The following DIAPH2 variants were observed in gnomAD, a reference collection of about 807,000 sequenced individuals.
The protein encoded by DIAPH2 is diaphanous related formin 2, also known as protein diaphanous homolog 2.
DIAPH2 carries 35 observed loss-of-function variants against 92.7 expected under a neutral mutation model. The observed-to-expected ratio is 0.38, with a 90% confidence interval of 0.29 to 0.50. The LOEUF (loss-of-function observed/expected upper bound fraction) is 0.50, where lower values mean the gene tolerates loss of function less well. Among genes scored for constraint, DIAPH2 ranks in the 20% least tolerant of loss-of-function variants. The pLI is 0.94. For missense variants in DIAPH2, 701 were observed against 819.5 expected, an observed-to-expected ratio of 0.86 and a Z score of 1.77; for synonymous variants, 301 against 280.4, an observed-to-expected ratio of 1.07 and a Z score of -0.73.
intron 26 of DIAPH2, among the ~76,000 whole-genome samples, chrX:97,481,168 T>C (rs1254438624): frequency 9.0e-6 from 1 of 111,722 alleles, no homozygotes; most frequent in Admixed American, 9.6e-5. Flanking sequence ...AAGTACCCTA[T>C]ATTATAGTTT....
chrX:97,323,903 CAAAAAAA>C (rs1052365967), intron 23 of DIAPH2, among the ~76,000 whole-genome samples: 3 of 39,190 alleles, frequency 7.7e-5, no homozygotes, highest in African/African-American at 1.7e-4. Flanking sequence ...AACTCTGTCT[CAAAAAAA>C]AAAAAAAAAA....
At position 96,957,153 on chromosome X, in the gene DIAPH2, C is replaced by T. The variant is rs190938352; in HGVS notation, c.1615-675C>T. On this transcript the variant is annotated intron_variant, in intron 15 of 26. Transcript: ENST00000324765. ...CTCCTGCCTCAGCCTCTCGAGTAGC[C>T]GGGATTACAGGCACGTGTCACCATC... Among the ~76,000 whole-genome samples the T allele has an allele frequency of 7.1e-3, 791 of 111,893 alleles. 7 individuals carry two copies. The highest frequency in any genetic ancestry group is 0.018 in the Middle Eastern group (4 of 217).
chrX:96,849,857 G>A (rs1207500367), intron 4 of DIAPH2, among the ~76,000 whole-genome samples: 1 of 112,063 alleles, frequency 8.9e-6, no homozygotes, highest in Non-Finnish European at 1.9e-5. Flanking sequence ...GTTCAGAAGA[G>A]CGTAGTAACC....
At chrX:96,991,107 T>G (rs867677761) in intron 17 of DIAPH2, among the ~76,000 whole-genome samples, 12 of 109,713 alleles carry the variant, frequency 1.1e-4, no homozygotes, top group Non-Finnish European at 2.1e-4. Flanking sequence ...GGTTACTTAT[T>G]ATTAGTCCCT....
chrX:96,795,163 G>A (rs1219765976), intron 4 of DIAPH2, among the ~76,000 whole-genome samples: 1 of 111,140 alleles, frequency 9.0e-6, no homozygotes, highest in Non-Finnish European at 1.9e-5. Flanking sequence ...CACTATTTCA[G>A]CAAATATTTA....
At chrX:97,219,560 A>AT (rs1171414905) in intron 22 of DIAPH2, among the ~76,000 whole-genome samples, 1 of 111,869 alleles carries the variant, frequency 8.9e-6, no homozygotes, top group African/African-American at 3.2e-5. Flanking sequence ...TAATGTTGCC[A>AT]TTTTTTTCAG....
At chrX:97,573,213 C>T (rs954504193) in intron 26 of DIAPH2, among the ~76,000 whole-genome samples, 1 of 111,542 alleles carries the variant, frequency 9.0e-6, no homozygotes, top group Admixed American at 9.6e-5. Context: ...AATTGTTCTA[C>T]ACCTGTATGC....
chrX:97,113,168 C>T (rs1193279220), intron 20 of DIAPH2, among the ~76,000 whole-genome samples: 1 of 111,359 alleles, frequency 9.0e-6, no homozygotes, highest in African/African-American at 3.3e-5. Flanking sequence ...TGTGTATTTC[C>T]TCTACTGTGA....
At chrX:97,118,409 A>C (rs1432292326) in intron 21 of DIAPH2, among the ~76,000 whole-genome samples, 1 of 111,823 alleles carries the variant, frequency 8.9e-6, no homozygotes, top group Non-Finnish European at 1.9e-5. Flanking sequence ...CCTGATTGAC[A>C]GTGCTACCAA....
At chrX:96,893,282 G>C (rs777992716) in intron 5 of DIAPH2, among the ~76,000 whole-genome samples, 1 of 111,542 alleles carries the variant, frequency 9.0e-6, no homozygotes, top group Admixed American at 9.5e-5. Flanking sequence ...GTAATGATTT[G>C]AGTATAATGT....
chrX:96,688,336 A>T (rs1421565886), intron 1 of DIAPH2, among the ~76,000 whole-genome samples: 3 of 111,844 alleles, frequency 2.7e-5, no homozygotes, highest in Non-Finnish European at 5.6e-5. Flanking sequence ...TTATGTTTTT[A>T]TTTATTTATT....
chrX:96,876,572 A>G (rs1385984957), intron 4 of DIAPH2, among the ~76,000 whole-genome samples: 1 of 112,059 alleles, frequency 8.9e-6, no homozygotes, highest in East Asian at 2.8e-4. Context: ...ATGGAATACT[A>G]TGCAGCCATA....
chrX:96,821,287 C>T (rs760228860), intron 4 of DIAPH2, among the ~76,000 whole-genome samples: 1 of 112,445 alleles, frequency 8.9e-6, no homozygotes, highest in East Asian at 2.8e-4. Flanking sequence ...ATGTTCCATT[C>T]TTTCATTTCA....
intron 16 of DIAPH2, among the ~76,000 whole-genome samples, chrX:96,963,635 G>A (rs1006554480): frequency 3.6e-5 from 4 of 111,408 alleles, no homozygotes; most frequent in Non-Finnish European, 3.8e-5. Context: ...TTGGGGGAGC[G>A]TCTCTGGGCT....
chrX:97,599,373 G>T lies in DIAPH2; in HGVS notation c.*56G>T. ...AAGTAAAAACAAAATGATGCATTTT[G>T]AGAAGAACAAAGTGTGCACTCAGCG... On this transcript the variant is annotated 3_prime_UTR_variant, in exon 27 of 27. Coordinates refer to ENST00000324765, the MANE Select transcript of DIAPH2 (RefSeq NM_006729.5). 1.1e-6 allele frequency: 1 copy of T among 898,534 alleles called. No homozygotes were observed. The highest frequency in any genetic ancestry group is 2.6e-5 in the Admixed American group (1 of 38,197). The allele number at this position is 898,534 out of a possible 1,213,427, so 74.0% of individuals were successfully genotyped here. A position where few individuals can be genotyped will look rare whatever the true frequency, so the allele number is the denominator to read the frequency against.
At chrX:97,188,276 T>G (rs1470972239) in intron 22 of DIAPH2, among the ~76,000 whole-genome samples, 1 of 111,665 alleles carries the variant, frequency 9.0e-6, no homozygotes, top group Non-Finnish European at 1.9e-5. Context: ...ACACCATCAG[T>G]GTCCACAGAG....
At chrX:96,859,384 A>T (rs2065058770) in intron 4 of DIAPH2, among the ~76,000 whole-genome samples, 1 of 109,989 alleles carries the variant, frequency 9.1e-6, no homozygotes, top group Non-Finnish European at 1.9e-5. Context: ...TAAAAACAGG[A>T]ATTTTAGTTG....
intron 26 of DIAPH2, among the ~76,000 whole-genome samples, chrX:97,496,762 T>C (rs2070761764): frequency 9.5e-6 from 1 of 105,139 alleles, no homozygotes; most frequent in Admixed American, 1.0e-4. Context: ...AGTCTCGAAC[T>C]CCTGACCTCA....
intron 26 of DIAPH2, among the ~76,000 whole-genome samples, chrX:97,491,545 G>A (rs1056426266): frequency 9.0e-5 from 10 of 110,601 alleles, no homozygotes; most frequent in African/African-American, 3.3e-4. Flanking sequence ...CAAGTAGCTG[G>A]GACTACAGGC....
Sources: gnomAD v4.1 joint callset for allele counts (sites outside exome capture counted in the v4.1 genomes callset) on GRCh38, gnomAD v4.1.1 for gene constraint, MANE v1.5 for transcripts, NCBI Gene and HGNC (gene_info 2026-07-23, HGNC 2026-07-21) for gene names.